The following PJA2 variants were observed in gnomAD, a reference collection of about 807,000 sequenced individuals.
PJA2 encodes praja ring finger ubiquitin ligase 2, also known as E3 ubiquitin-protein ligase Praja-2.
A neutral mutation model predicts 69.3 loss-of-function variants in PJA2; 25 were observed. The ratio of observed to expected loss-of-function variants is 0.36; its 90% CI spans 0.26 to 0.50. The LOEUF (loss-of-function observed/expected upper bound fraction) is 0.50, where lower values mean the gene tolerates loss of function less well. PJA2 is among the 20% of genes least tolerant of loss of function. The pLI is 0.96. For missense variants in PJA2, 809 were observed against 830.2 expected, an observed-to-expected ratio of 0.97 and a Z score of 0.31; for synonymous variants, 308 against 277.8, an observed-to-expected ratio of 1.11 and a Z score of -1.08.
intron 1 of PJA2, among the ~76,000 whole-genome samples, chr5:109,393,141 T>C (rs1196560111): frequency 1.3e-5 from 2 of 152,068 alleles, no homozygotes; most frequent in Non-Finnish European, 2.9e-5. Flanking sequence ...TACTCCTAAA[T>C]ATAAAAAAGA....
chr5:109,389,555 G>A (rs574213838), intron 1 of PJA2, among the ~76,000 whole-genome samples: 28 of 151,732 alleles, frequency 1.8e-4, no homozygotes, highest in Non-Finnish European at 3.2e-4. Context: ...GTCATTACAG[G>A]TTTTCATTTT....
At chr5:109,353,181 G>A (rs1334864861) in intron 7 of PJA2, among the ~76,000 whole-genome samples, 2 of 55,220 alleles carry the variant, frequency 3.6e-5, no homozygotes, top group Admixed American at 1.7e-4. Context: ...AATATCTATA[G>A]ATATCTATAT....
chr5:109,407,830 C>T (rs1381950018), intron 1 of PJA2, among the ~76,000 whole-genome samples: 1 of 152,000 alleles, frequency 6.6e-6, no homozygotes, highest in Non-Finnish European at 1.5e-5. Flanking sequence ...ATAAAAATTT[C>T]CCTAACAGTA....
chr5:109,376,548 A>G (rs1291738903), intron 4 of PJA2, among the ~76,000 whole-genome samples: 2 of 152,006 alleles, frequency 1.3e-5, no homozygotes, highest in East Asian at 3.9e-4. Flanking sequence ...AAAAGCAAGC[A>G]GAAGAGAAGT....
At chr5:109,355,515 A>C (rs193176026) in intron 7 of PJA2, among the ~76,000 whole-genome samples, 1 of 152,342 alleles carries the variant, frequency 6.6e-6, no homozygotes, top group African/African-American at 2.4e-5. Flanking sequence ...TAACTGCATT[A>C]GGCAGCCAGA....
At chr5:109,364,349 C>A (rs1197546673) in intron 5 of PJA2, among the ~76,000 whole-genome samples, 3 of 151,908 alleles carry the variant, frequency 2.0e-5, no homozygotes, top group Non-Finnish European at 4.4e-5. Flanking sequence ...GTCGGCCGGG[C>A]GCGGTGGCTC....
At chr5:109,365,641 T>C (rs1032374466) in intron 5 of PJA2, among the ~76,000 whole-genome samples, 2 of 152,146 alleles carry the variant, frequency 1.3e-5, no homozygotes, top group African/African-American at 4.8e-5. Flanking sequence ...CAACCAGAAA[T>C]AGCTACCCAA....
chr5:109,355,606 G>A (rs564719814), intron 7 of PJA2, among the ~76,000 whole-genome samples: 16 of 152,224 alleles, frequency 1.1e-4, no homozygotes, highest in East Asian at 3.9e-4. Flanking sequence ...ACACCTGTGC[G>A]TGTGTATATA....
At chr5:109,358,958 C>T (rs963110507) in intron 6 of PJA2, among the ~76,000 whole-genome samples, 2 of 152,146 alleles carry the variant, frequency 1.3e-5, no homozygotes, top group Admixed American at 6.5e-5. Flanking sequence ...ACGCTAGAAG[C>T]CTACTGACTA....
At chr5:109,387,516 A>G (rs544784635) in intron 1 of PJA2, among the ~76,000 whole-genome samples, 13 of 152,302 alleles carry the variant, frequency 8.5e-5, no homozygotes, top group South Asian at 2.1e-4. Context: ...TTCACCTAAC[A>G]TGTTTATAAC....
chr5:109,362,733 G>T, intron 6 of PJA2, 107 bp downstream of exon 6: 1 of 1,170,816 alleles, frequency 8.5e-7, no homozygotes. Context: ...AGGACTAACA[G>T]ATGGGAAAAT....
intron 7 of PJA2, among the ~76,000 whole-genome samples, chr5:109,351,116 TA>T (rs35779470): frequency 0.028 from 3,815 of 138,096 alleles, 125 homozygotes; most frequent in African/African-American, 0.079. Flanking sequence ...ATCCTTTGCT[TA>T]AAAAAAAAAA....
At chr5:109,350,188 C>A (rs1485731136) in intron 7 of PJA2, among the ~76,000 whole-genome samples, 2 of 151,894 alleles carry the variant, frequency 1.3e-5, no homozygotes, top group South Asian at 4.2e-4. Flanking sequence ...TAATTTATTG[C>A]CTTGGTACTG....
At chr5:109,354,335 GAGATATCTATAGATTGGATATCTATA>G (rs1762360890) in intron 7 of PJA2, among the ~76,000 whole-genome samples, 10 of 143,802 alleles carry the variant, frequency 7.0e-5, no homozygotes, top group East Asian at 2.2e-4. Flanking sequence ...ATGATATCTA[GAGATATCTATAGATTGGATATCTATA>G]TCTAGAGATA....
chr5:109,380,821 A>AAAGAAC (rs1747026735), intron 3 of PJA2, among the ~76,000 whole-genome samples: 1 of 151,300 alleles, frequency 6.6e-6, no homozygotes, highest in Non-Finnish European at 1.5e-5. Context: ...AAAAAAAAAA[A>AAAGAAC]AAGAACGCCA....
chr5:109,384,104 T>C (rs1196170218), intron 1 of PJA2, among the ~76,000 whole-genome samples: 1 of 152,188 alleles, frequency 6.6e-6, no homozygotes, highest in Non-Finnish European at 1.5e-5. Flanking sequence ...AATTTGTAAG[T>C]AAACAAACAA....
chr5:109,406,368 T>C (rs1028578272), intron 1 of PJA2, among the ~76,000 whole-genome samples: 1 of 152,140 alleles, frequency 6.6e-6, no homozygotes, highest in Non-Finnish European at 1.5e-5. Flanking sequence ...TGTTTTTTAA[T>C]GAGCAAAAAA....
At chr5:109,369,261 T>G (rs1216030693) in intron 4 of PJA2, among the ~76,000 whole-genome samples, 1 of 152,210 alleles carries the variant, frequency 6.6e-6, no homozygotes, top group African/African-American at 2.4e-5. Flanking sequence ...GAGTGGAGTG[T>G]CGATGCCACA....
intron 4 of PJA2, among the ~76,000 whole-genome samples, chr5:109,369,309 TAAAC>T (rs991086391): frequency 5.9e-5 from 9 of 152,312 alleles, no homozygotes; most frequent in African/African-American, 1.9e-4. Flanking sequence ...TTCAGACTAT[TAAAC>T]AAATAAATGC....
Sources: allele counts gnomAD v4.1 joint callset (sites outside exome capture counted in the v4.1 genomes callset), GRCh38; gene constraint gnomAD v4.1.1; transcripts MANE v1.5; gene names NCBI Gene and HGNC (gene_info 2026-07-23, HGNC 2026-07-21).